The following FAM168A variants were observed in gnomAD, a reference collection of about 807,000 sequenced individuals.
FAM168A encodes the protein family with sequence similarity 168 member A.
FAM168A carries 3 observed loss-of-function variants against 28.5 expected under a neutral mutation model. The observed-to-expected ratio is 0.11, with a 90% CI of 0.05 to 0.27. The LOEUF is 0.27. FAM168A is among the 10% of genes least tolerant of loss of function. FAM168A has a pLI of 1.00. For synonymous variants in FAM168A, 122 were observed against 124.2 expected, an observed-to-expected ratio of 0.98 and a Z score of 0.12; for missense variants, 222 against 311.5, an observed-to-expected ratio of 0.71 and a Z score of 2.16.
intron 1 of FAM168A, among the ~76,000 whole-genome samples, chr11:73,586,402 A>G (rs1369537260): frequency 2.0e-5 from 3 of 152,168 alleles, no homozygotes; most frequent in Non-Finnish European, 4.4e-5. Flanking sequence ...GCAATATAGC[A>G]AGACCCCATC....
rs984356063 is a variant in FAM168A, at chr11:73,406,732, T to C, written c.*31A>G. The C allele has an allele frequency of 2.0e-5, 3 of 152,628 alleles. No homozygotes were observed. The highest frequency in any genetic ancestry group is 7.2e-5 in the African/African-American group (3 of 41,424). 9.5% of individuals were successfully genotyped at this position (152,628 alleles called of 1,614,324 possible). A position where few individuals can be genotyped will look rare whatever the true frequency, so the allele number is the denominator to read the frequency against. On this transcript the variant is annotated 3_prime_UTR_variant, in exon 8 of 8. Coordinates refer to ENST00000356467, the MANE Select transcript of FAM168A (RefSeq NM_015159.3). ...AAGACTTGAGTAGTTGCATACAATG[T>C]GTGACTCCAGATCTGCAGAGGGAAA...
At chr11:73,479,692 G>A (rs1867941590) in intron 1 of FAM168A, among the ~76,000 whole-genome samples, 1 of 152,142 alleles carries the variant, frequency 6.6e-6, no homozygotes, top group South Asian at 2.1e-4. Context: ...TCTTGCAACT[G>A]TAATTTGCTT....
At chr11:73,429,685 T>C (rs1386339627) in intron 3 of FAM168A, among the ~76,000 whole-genome samples, 1 of 152,198 alleles carries the variant, frequency 6.6e-6, no homozygotes, top group African/African-American at 2.4e-5. Flanking sequence ...AAGCTTCCCC[T>C]ACACTTTCAC....
At chr11:73,522,682 G>A (rs1943397845) in intron 1 of FAM168A, among the ~76,000 whole-genome samples, 1 of 150,944 alleles carries the variant, frequency 6.6e-6, no homozygotes, top group Middle Eastern at 3.4e-3. Flanking sequence ...CAGATACTTT[G>A]CAGTGTCCCA....
chr11:73,531,680 A>C (rs911727795), intron 1 of FAM168A, among the ~76,000 whole-genome samples: 1 of 152,138 alleles, frequency 6.6e-6, no homozygotes, highest in Non-Finnish European at 1.5e-5. Context: ...GCTTCTCTTA[A>C]AACAACAAGC....
At position 73,442,955 on chromosome 11, in the gene FAM168A, G is replaced by GATATATATATATATATAT. The variant is rs58430278; in HGVS notation, c.71-12203_71-12186dup. The stretch of plus-strand genomic sequence containing the variant: ...GGAATTTTCCTTTATATATACAAAG[G>GATATATATATATATATAT]ATATATATATATATATATATATATA... On this transcript the variant is annotated intron_variant, in intron 2 of 7. Transcript: ENST00000356467. Among the ~76,000 whole-genome samples the GATATATATATATATATAT allele has an allele frequency of 6.2e-4, 25 of 40,232 alleles. 1 individual carries two copies. The highest frequency in any genetic ancestry group is 8.3e-4 in the Admixed American group (2 of 2,400). 26.4% of individuals were successfully genotyped at this position (40,232 alleles called of 152,430 possible). A position where few individuals can be genotyped will look rare whatever the true frequency, so the allele number is the denominator to read the frequency against.
intron 1 of FAM168A, among the ~76,000 whole-genome samples, chr11:73,528,637 C>T (rs1943475040): frequency 6.6e-6 from 1 of 152,084 alleles, no homozygotes; most frequent in Non-Finnish European, 1.5e-5. Context: ...ACTTAGGACT[C>T]GCCCTGAATT....
intron 2 of FAM168A, among the ~76,000 whole-genome samples, chr11:73,465,166 G>T (rs1867715348): frequency 1.3e-5 from 2 of 150,814 alleles, no homozygotes; most frequent in African/African-American, 4.9e-5. Flanking sequence ...GATGCAGAAA[G>T]ATTACTCAAC....
chr11:73,544,006 C>T (rs1413851330), intron 1 of FAM168A, among the ~76,000 whole-genome samples: 2 of 152,130 alleles, frequency 1.3e-5, no homozygotes, highest in Non-Finnish European at 2.9e-5. Flanking sequence ...GTGGCACATG[C>T]CTGTAGTCCT....
chr11:73,476,369 C>T (rs901925748), intron 1 of FAM168A, among the ~76,000 whole-genome samples: 12 of 147,776 alleles, frequency 8.1e-5, no homozygotes, highest in African/African-American at 3.0e-4. Context: ...TCAGAAATCA[C>T]ACTGCAAAGG....
chr11:73,483,468 GGA>G (rs1223022901), intron 1 of FAM168A, among the ~76,000 whole-genome samples: 1 of 152,182 alleles, frequency 6.6e-6, no homozygotes, highest in Non-Finnish European at 1.5e-5. Context: ...AAGATGCTAT[GGA>G]GGATAAAAGT....
Position 73,508,409 on chromosome 11 carries a change from C to G in FAM168A, c.-18-39917G>C, listed in dbSNP as rs919111050. Among the ~76,000 whole-genome samples the G allele has an allele frequency of 3.3e-5, 5 of 152,190 alleles. No homozygotes were observed. In the East Asian group the frequency reaches 9.6e-4, roughly 29 times the overall value. ...AGCCTCCCTTCAAACATCTTTAATACACAATAAAATATGAGTGGAAATAAA... is the reference window on the plus strand; with the variant it reads ...AGCCTCCCTTCAAACATCTTTAATAGACAATAAAATATGAGTGGAAATAAA... On this transcript the variant is annotated intron_variant, in intron 1 of 7. Coordinates refer to ENST00000356467, the MANE Select transcript of FAM168A (RefSeq NM_015159.3).
At chr11:73,409,789 G>T in intron 5 of FAM168A, 128 bp from the exon 6 acceptor site, 3 of 933,820 alleles carry the variant, frequency 3.2e-6, no homozygotes, top group Non-Finnish European at 4.8e-6. Context: ...CTATGTGACT[G>T]TGGTCAGTGC....
intron 1 of FAM168A, among the ~76,000 whole-genome samples, chr11:73,499,464 TCTC>T (rs112848486): frequency 0.093 from 14,093 of 151,980 alleles, 668 homozygotes; most frequent in Admixed American, 0.12. Context: ...GAGTGCCTCT[TCTC>T]CTCCAAATGA....
rs78364748 is a variant in FAM168A at position 73,480,930 on chromosome 11, A to T, written c.-18-12438T>A. On this transcript the variant is annotated intron_variant, in intron 1 of 7. Coordinates refer to ENST00000356467, the MANE Select transcript of FAM168A (RefSeq NM_015159.3). ...GCCTTCACACTCTACAATACAGCAG[A>T]CTTGATATTTTGAGTTCCCTTGAAC... is the stretch of plus-strand genomic sequence containing the variant. 6.6e-5 allele frequency among the ~76,000 whole-genome samples: 10 copies of T among 152,248 alleles called. No individual in the cohort carries two copies. In the East Asian group the frequency reaches 1.7e-3, roughly 26 times the overall value.
At chr11:73,512,178 T>C (rs1265454002) in intron 1 of FAM168A, among the ~76,000 whole-genome samples, 2 of 152,198 alleles carry the variant, frequency 1.3e-5, no homozygotes, top group Non-Finnish European at 2.9e-5. Flanking sequence ...ACATAATAAA[T>C]GCATAACAAC....
Position 73,430,746 on chromosome 11 carries a change from G to A in FAM168A, c.95C>T (p.Ala32Val), listed in dbSNP as rs745662308. 1 of 1,613,182 alleles carries A rather than the reference G, an allele frequency of 6.2e-7. No homozygotes were observed. Among genetic ancestry groups the A allele is most frequent in the African/African-American group, 1.3e-5 (1 of 74,854 alleles). The part of the protein sequence containing the change: ...YTGYPTAYPA[A>V]APAYNPSLYP... Reference sequence around the variant, plus strand: ...CAGGCTGGGATTGTAGGCAGGGGCAGCTGCTGGATAGGCTGTGGGGTAACC... The same window carrying A: ...CAGGCTGGGATTGTAGGCAGGGGCAACTGCTGGATAGGCTGTGGGGTAACC... The change falls in exon 3 of 8, where the codon GCT becomes GTT. Residue 32 changes from alanine to valine, a missense_variant. By Grantham distance (64) the Ala-to-Val change is moderately conservative (BLOSUM62 0). Coordinates refer to ENST00000356467, the MANE Select transcript of FAM168A (RefSeq NM_015159.3).
intron 2 of FAM168A, among the ~76,000 whole-genome samples, chr11:73,449,951 AAATTC>A (rs1225602504): frequency 1.3e-5 from 2 of 152,256 alleles, no homozygotes; most frequent in Non-Finnish European, 2.9e-5. Context: ...TTAGACACTT[AAATTC>A]AAGTACCTTC....
chr11:73,416,137 C>A (rs995622237), intron 4 of FAM168A, among the ~76,000 whole-genome samples: 1 of 152,204 alleles, frequency 6.6e-6, no homozygotes, highest in Non-Finnish European at 1.5e-5. Context: ...TTAGATCACT[C>A]GAAGTCCCAG....
Sources: allele counts gnomAD v4.1 joint callset (sites outside exome capture counted in the v4.1 genomes callset), GRCh38; gene constraint gnomAD v4.1.1; transcripts MANE v1.5; gene names NCBI Gene and HGNC (gene_info 2026-07-23, HGNC 2026-07-21).